The following RASGRF2 variants were observed in gnomAD, a reference collection of about 807,000 sequenced individuals.
RASGRF2 encodes ras-specific guanine nucleotide-releasing factor 2.
A neutral mutation model predicts 151.0 loss-of-function variants in RASGRF2; 76 were observed. The ratio of observed to expected loss-of-function variants is 0.50; its 90% confidence interval spans 0.42 to 0.61. The LOEUF (loss-of-function observed/expected upper bound fraction) is 0.61. Among genes scored for constraint, RASGRF2 ranks in the 20% least tolerant of loss-of-function variants. The probability of loss-of-function intolerance (pLI) is 0.00; values close to 1 mark genes in which losing one functional copy is unlikely to be tolerated. For missense variants in RASGRF2, 1,148 were observed against 1,564.6 expected (o/e 0.73, Z 4.49); for synonymous variants, 504 against 566.5 (o/e 0.89, Z 1.57).
intron 17 of RASGRF2, among the ~76,000 whole-genome samples, chr5:81,145,530 G>A (rs934005623): frequency 2.0e-5 from 3 of 152,336 alleles, no homozygotes; most frequent in African/African-American, 7.2e-5. Flanking sequence ...AAGTGATCGT[G>A]TATGACTTTG....
intron 2 of RASGRF2, among the ~76,000 whole-genome samples, chr5:81,064,505 G>A (rs947181636): frequency 3.3e-5 from 5 of 152,160 alleles, no homozygotes; most frequent in African/African-American, 7.2e-5. Context: ...ACTAGAAGCC[G>A]GGGATCATTA....
chr5:81,096,449 A>G (rs1007351076), intron 12 of RASGRF2: 2 of 152,210 alleles, frequency 1.3e-5, no homozygotes, highest in African/African-American at 4.8e-5. Flanking sequence ...TCTTGCTCTC[A>G]GGGAGAATAG....
chr5:81,187,814 G>A (rs1005235693), intron 18 of RASGRF2, among the ~76,000 whole-genome samples: 9 of 152,134 alleles, frequency 5.9e-5, no homozygotes, highest in Non-Finnish European at 1.0e-4. Flanking sequence ...CATCTCTTCC[G>A]TTTCTTATTT....
chr5:81,193,504 T>TTTTTTCTTTTTTTC (rs1327089374), intron 18 of RASGRF2, among the ~76,000 whole-genome samples: 2 of 152,130 alleles, frequency 1.3e-5, no homozygotes, highest in Non-Finnish European at 2.9e-5. Context: ...TGATAGCTGC[T>TTTTTTCTTTTTTTC]TTTTTCTTTT....
At chr5:81,022,265 C>G (rs1749855018) in intron 1 of RASGRF2, among the ~76,000 whole-genome samples, 2 of 152,168 alleles carry the variant, frequency 1.3e-5, no homozygotes, top group Admixed American at 1.3e-4. Flanking sequence ...CTTCATGACT[C>G]CAGGCCATGA....
chr5:81,140,388 A>G (rs1753855699), intron 17 of RASGRF2, among the ~76,000 whole-genome samples: 1 of 151,966 alleles, frequency 6.6e-6, no homozygotes, highest in Non-Finnish European at 1.5e-5. Flanking sequence ...GTACTTTAAC[A>G]ATGGTCCCAA....
chr5:80,968,550 G>A (rs1747798337), intron 1 of RASGRF2, among the ~76,000 whole-genome samples: 1 of 152,122 alleles, frequency 6.6e-6, no homozygotes, highest in African/African-American at 2.4e-5. Flanking sequence ...TATTATAAAG[G>A]TAGCCCTCTT....
intron 1 of RASGRF2, among the ~76,000 whole-genome samples, chr5:81,000,401 C>G (rs7706330): frequency 2.6e-5 from 4 of 152,134 alleles, no homozygotes; most frequent in African/African-American, 9.7e-5. Context: ...ACCACCATGC[C>G]TGGCTAATTT....
intron 5 of RASGRF2, among the ~76,000 whole-genome samples, chr5:81,073,678 G>A (rs1751850790): frequency 6.6e-6 from 1 of 151,902 alleles, no homozygotes; most frequent in Non-Finnish European, 1.5e-5. Flanking sequence ...GAGTGCAGTG[G>A]CACAATCTCG....
chr5:81,036,043 A>T (rs972678116), intron 1 of RASGRF2, among the ~76,000 whole-genome samples: 6 of 152,306 alleles, frequency 3.9e-5, no homozygotes, highest in South Asian at 4.1e-4. Context: ...ACCATTTTTT[A>T]AAAAAGGCAC....
chr5:81,064,250 C>A (rs1209124744), intron 2 of RASGRF2, among the ~76,000 whole-genome samples: 1 of 152,198 alleles, frequency 6.6e-6, no homozygotes, highest in Non-Finnish European at 1.5e-5. Flanking sequence ...TGGCCAGAGG[C>A]CTCCTACAGT....
intron 5 of RASGRF2, among the ~76,000 whole-genome samples, chr5:81,076,459 C>A (rs252585): frequency 0.19 from 28,465 of 149,902 alleles, 2,504 homozygotes; most frequent in Admixed American, 0.27. Context: ...GCTGATGGGG[C>A]AGATGGGAGG....
chr5:81,064,929 G>A (rs1021571643), intron 2 of RASGRF2, among the ~76,000 whole-genome samples: 9 of 152,114 alleles, frequency 5.9e-5, no homozygotes, highest in African/African-American at 2.2e-4. Context: ...TAATAAAAAG[G>A]GTCGTTAGTG....
rs919647841 is a variant in RASGRF2 at position 81,215,301 on chromosome 5, C to T, written c.3355-575C>T. On this transcript the variant is annotated intron_variant, in intron 23 of 26. Transcript: ENST00000265080. ...TTTTTTTTTTTTTGAGATGGAGTCTCGCTCTGTTGCCCAGGCTGGCATACA... is the reference window on the plus strand; with the variant it reads ...TTTTTTTTTTTTTGAGATGGAGTCTTGCTCTGTTGCCCAGGCTGGCATACA... 5.0e-5 allele frequency among the ~76,000 whole-genome samples: 7 copies of T among 139,460 alleles called. No homozygotes were observed. The South Asian group carries it at 6.8e-4, about 14-fold the overall frequency. The allele number at this position is 139,460 out of a possible 152,430, so 91.5% of individuals were successfully genotyped here.
intron 22 of RASGRF2, among the ~76,000 whole-genome samples, chr5:81,208,992 C>CTGATCAGCAATCAAT (rs1386037196): frequency 2.0e-5 from 3 of 152,164 alleles, no homozygotes; most frequent in African/African-American, 7.2e-5. Flanking sequence ...CAATAATGTA[C>CTGATCAGCAATCAAT]AGGTTGCTGA....
chr5:81,094,810 GT>G, intron 11 of RASGRF2, 45 bp from the exon 12 acceptor site: 3 of 1,538,774 alleles, frequency 1.9e-6, no homozygotes, highest in Non-Finnish European at 2.7e-6. Flanking sequence ...ATCACTCTTT[GT>G]TTTTTTGTAT....
intron 1 of RASGRF2, among the ~76,000 whole-genome samples, chr5:81,010,098 G>A (rs931446307): frequency 2.6e-5 from 4 of 151,148 alleles, no homozygotes; most frequent in Admixed American, 6.6e-5. Flanking sequence ...AGGTTGCAGT[G>A]AGCTGAGATC....
At position 81,227,437 on chromosome 5, in the gene RASGRF2, C is replaced by T. The variant is rs1366841426; in HGVS notation, c.*1667C>T. On this transcript the variant is annotated 3_prime_UTR_variant, in exon 27 of 27. Transcript: ENST00000265080. ...GTTCATATTAGCCAACAGTGTAGCA[C>T]TCAACCCAAGGAGGGTTCCTTATGG... 2 of 152,210 alleles carry T rather than the reference C, an allele frequency of 1.3e-5. No homozygotes were observed. Among genetic ancestry groups the T allele is most frequent in the African/African-American group, 2.4e-5 (1 of 41,448 alleles). 9.4% of individuals were successfully genotyped at this position (152,210 alleles called of 1,614,324 possible).
At chr5:81,111,620 G>T (rs940455826) in intron 13 of RASGRF2, among the ~76,000 whole-genome samples, 1 of 152,108 alleles carries the variant, frequency 6.6e-6, no homozygotes, top group African/African-American at 2.4e-5. Context: ...AAGCCAGGAA[G>T]AATGAAATAA....
Sources: allele counts gnomAD v4.1 joint callset (sites outside exome capture counted in the v4.1 genomes callset), GRCh38; gene constraint gnomAD v4.1.1; transcripts MANE v1.5; gene names NCBI Gene and HGNC (gene_info 2026-07-23, HGNC 2026-07-21).